Variants in AFF3 observed in about 807,000 individuals in gnomAD.
AFF3 encodes AF4/FMR2 family member 3.
AFF3 carries 32 observed loss-of-function variants against 129.7 expected under a neutral mutation model. That is an observed-to-expected ratio of 0.25 (90% CI 0.19 to 0.33). AFF3 has a LOEUF of 0.33. AFF3 is among the 10% of genes least tolerant of loss of function. The pLI, the probability that AFF3 is intolerant of heterozygous loss-of-function variation, is 1.00. For missense variants in AFF3, 1,373 were observed against 1,592.0 expected (o/e 0.86, Z 2.34); for synonymous variants, 644 against 635.4 (o/e 1.01, Z -0.20).
intron 7 of AFF3, among the ~76,000 whole-genome samples, chr2:99,917,497 G>GCTTC: frequency 6.6e-6 from 1 of 152,286 alleles, no homozygotes; most frequent in Non-Finnish European, 1.5e-5. Context: ...TTCTGCCCTT[G>GCTTC]CTTCCTGTGT....
intron 13 of AFF3, among the ~76,000 whole-genome samples, chr2:99,612,935 T>C (rs991032491): frequency 6.6e-6 from 1 of 152,160 alleles, no homozygotes; most frequent in Non-Finnish European, 1.5e-5. Flanking sequence ...AGGAAAAAAA[T>C]GCTGGAAGGA....
intron 7 of AFF3, among the ~76,000 whole-genome samples, chr2:99,989,333 G>T (rs1680139560): frequency 6.6e-6 from 1 of 152,114 alleles, no homozygotes; most frequent in Admixed American, 6.6e-5. Flanking sequence ...AAAACACACA[G>T]GACAAAAGAA....
intron 11 of AFF3, among the ~76,000 whole-genome samples, chr2:99,719,592 A>G (rs920655329): frequency 2.0e-5 from 3 of 152,204 alleles, no homozygotes; most frequent in African/African-American, 7.2e-5. Context: ...AGAATTTACC[A>G]GTGACCTTTT....
At chr2:99,795,291 A>C (rs1020067126) in intron 8 of AFF3, among the ~76,000 whole-genome samples, 1 of 152,204 alleles carries the variant, frequency 6.6e-6, no homozygotes, top group Admixed American at 6.5e-5. Context: ...AACAATACAG[A>C]AAGTCAAATA....
chr2:100,078,083 C>T (rs1688731489), intron 4 of AFF3, among the ~76,000 whole-genome samples: 1 of 152,186 alleles, frequency 6.6e-6, no homozygotes, highest in South Asian at 2.1e-4. Context: ...TAGTAAACTA[C>T]ACATATTTTG....
intron 7 of AFF3, among the ~76,000 whole-genome samples, chr2:99,838,855 T>G (rs1689094961): frequency 1.3e-5 from 2 of 152,184 alleles, no homozygotes; most frequent in Non-Finnish European, 2.9e-5. Flanking sequence ...GACCGTTCCA[T>G]CACACTCTCC....
intron 4 of AFF3, among the ~76,000 whole-genome samples, chr2:100,044,383 C>T (rs1293655765): frequency 6.6e-6 from 1 of 152,282 alleles, no homozygotes; most frequent in Non-Finnish European, 1.5e-5. Flanking sequence ...CTCTGCATCT[C>T]TAAATGAAAA....
chr2:100,099,035 A>G (rs891389150), intron 4 of AFF3, among the ~76,000 whole-genome samples: 5 of 131,978 alleles, frequency 3.8e-5, no homozygotes, highest in Non-Finnish European at 6.5e-5. Context: ...CTGAGGGCCA[A>G]TGAGAGCCAC....
At chr2:99,685,535 G>A (rs1450729048) in intron 11 of AFF3, among the ~76,000 whole-genome samples, 2 of 152,152 alleles carry the variant, frequency 1.3e-5, no homozygotes, top group Non-Finnish European at 2.9e-5. Context: ...GAAAGGTTCA[G>A]CATTTCGTCA....
intron 7 of AFF3, among the ~76,000 whole-genome samples, chr2:99,984,073 G>T (rs1377868107): frequency 6.6e-6 from 1 of 152,166 alleles, no homozygotes; most frequent in African/African-American, 2.4e-5. Flanking sequence ...TTTGCCCCCA[G>T]ATTGTAAGAA....
At chr2:100,038,142 C>T (rs1160199933) in intron 4 of AFF3, among the ~76,000 whole-genome samples, 1 of 151,754 alleles carries the variant, frequency 6.6e-6, no homozygotes, top group Non-Finnish European at 1.5e-5. Flanking sequence ...GCCATCAGTC[C>T]CCTGCAATGA....
At chr2:99,559,227 G>A (rs1177076106) in intron 21 of AFF3, among the ~76,000 whole-genome samples, 1 of 151,878 alleles carries the variant, frequency 6.6e-6, no homozygotes, top group Non-Finnish European at 1.5e-5. Flanking sequence ...ACTCTGTTGG[G>A]TCACAGGGGC....
intron 4 of AFF3, among the ~76,000 whole-genome samples, chr2:100,046,690 T>C (rs1438844625): frequency 3.3e-5 from 5 of 152,198 alleles, no homozygotes; most frequent in Non-Finnish European, 5.9e-5. Context: ...TATCTGTTAG[T>C]TTTAATTACC....
chr2:99,586,425 A>G (rs1015458222), intron 16 of AFF3, among the ~76,000 whole-genome samples: 1 of 152,150 alleles, frequency 6.6e-6, no homozygotes, highest in African/African-American at 2.4e-5. Flanking sequence ...TTCAGTTTAC[A>G]TTTTTATGTG....
intron 13 of AFF3, among the ~76,000 whole-genome samples, chr2:99,621,743 G>A (rs932673848): frequency 6.6e-6 from 1 of 152,194 alleles, no homozygotes; most frequent in South Asian, 2.1e-4. Context: ...GGGGAAGAAC[G>A]AGGAGTAGAG....
At chr2:99,862,989 A>G (rs1691107613) in intron 7 of AFF3, among the ~76,000 whole-genome samples, 1 of 152,266 alleles carries the variant, frequency 6.6e-6, no homozygotes, top group African/African-American at 2.4e-5. Context: ...AATAGGTTTT[A>G]GAAGAAACAC....
At chr2:99,945,628 A>T (rs1045721307) in intron 7 of AFF3, among the ~76,000 whole-genome samples, 5 of 152,158 alleles carry the variant, frequency 3.3e-5, no homozygotes, top group Admixed American at 2.6e-4. Flanking sequence ...CATCGGCCTC[A>T]CCCTCACTGG....
At chr2:99,830,247 CCTGCACATT>C (rs1688415361) in intron 8 of AFF3, among the ~76,000 whole-genome samples, 1 of 151,874 alleles carries the variant, frequency 6.6e-6, no homozygotes, top group East Asian at 1.9e-4. Context: ...ATGTAACAAA[CCTGCACATT>C]CTGCACATGT....
At chr2:99,992,459 A>T (rs1680442747) in intron 7 of AFF3, among the ~76,000 whole-genome samples, 1 of 152,244 alleles carries the variant, frequency 6.6e-6, no homozygotes, top group Non-Finnish European at 1.5e-5. Context: ...AGCCTATATT[A>T]CTAGCTATAT....
Sources: allele counts gnomAD v4.1 joint callset (sites outside exome capture counted in the v4.1 genomes callset), GRCh38; gene constraint gnomAD v4.1.1; transcripts MANE v1.5; gene names NCBI Gene and HGNC (gene_info 2026-07-23, HGNC 2026-07-21).